ANO9: variants seen among roughly 807,000 people sequenced by gnomAD.
The protein encoded by ANO9 is anoctamin 9.
In ANO9, 80 loss-of-function variants were observed where a neutral mutation model predicts 100.5. The ratio of observed to expected loss-of-function variants is 0.80; its 90% CI spans 0.66 to 0.96. The LOEUF (loss-of-function observed/expected upper bound fraction) is 0.96. ANO9 is among the 40% of genes least tolerant of loss of function. ANO9 has a pLI of 0.00. For missense variants in ANO9, 1,064 were observed against 1,072.7 expected, an observed-to-expected ratio of 0.99 and a Z score of 0.11; for synonymous variants, 473 against 435.6, an observed-to-expected ratio of 1.09 and a Z score of -1.07.
chr11:433,504 GCTCTATCCCGCCTCAGAACCCTCCCCC>G (rs746468709), intron 3 of ANO9, 45 bp from the exon 4 acceptor site: 35 of 1,570,798 alleles, frequency 2.2e-5, no homozygotes, highest in Admixed American at 3.4e-5. Context: ...AACCCTCCCC[GCTCTATCCCGCCTCAGAACCCTCCCCC>G]CTCTATTCCA....
rs1377541428 is a variant in ANO9, at chr11:419,408, G to A, written c.1934+174C>T. The A allele has an allele frequency of 2.1e-6, 3 of 1,426,916 alleles. No homozygotes were observed. In the African/African-American group the frequency reaches 4.3e-5, roughly 21 times the overall value. The allele number at this position is 1,426,916 out of a possible 1,614,324, so 88.4% of individuals were successfully genotyped here. On this transcript the variant is annotated intron_variant, in intron 20 of 22. Transcript: ENST00000332826. ...CAGTTATCCCTGACCTCCAGCCCAG[G>A]GCCTGCCGTCAGTGGGCGCAGGGCA... is the stretch of plus-strand genomic sequence containing the variant.
At chr11:424,305 T>C (rs1848368415) in intron 15 of ANO9, among the ~76,000 whole-genome samples, 1 of 152,230 alleles carries the variant, frequency 6.6e-6, no homozygotes, top group African/African-American at 2.4e-5. Flanking sequence ...ACCAGGTAGA[T>C]TTTTCACGCT....
chr11:418,301 G>A lies in ANO9; in HGVS notation c.*70C>T, dbSNP rs546395889. On this transcript the variant is annotated 3_prime_UTR_variant, in exon 23 of 23. Transcript: ENST00000332826. ...CACAGCACCCCTCAACACGCACAGC[G>A]GTGGGCTTGTGGGAGGTGCTGGTGG... 1.3e-5 allele frequency: 18 copies of A among 1,412,824 alleles called. No homozygotes were observed. Among genetic ancestry groups the A allele is most frequent in the Middle Eastern group, 2.5e-4 (1 of 3,984 alleles). 87.5% of individuals were successfully genotyped at this position (1,412,824 alleles called of 1,614,324 possible).
At chr11:420,050 G>A (rs1000720022) in intron 19 of ANO9, 118 of 1,321,300 alleles carry the variant, frequency 8.9e-5, no homozygotes, top group Non-Finnish European at 1.1e-4. Flanking sequence ...ACCTGGGCCC[G>A]AGACTGGGGG....
intron 7 of ANO9, among the ~76,000 whole-genome samples, chr11:431,217 C>T (rs1226278243): frequency 1.4e-4 from 8 of 58,666 alleles, no homozygotes; most frequent in Admixed American, 2.1e-4. Context: ...TGTGGGGGCT[C>T]CCGTGGGTAT....
chr11:419,911 C>T, intron 19 of ANO9, 182 bp from the exon 20 acceptor site: 2 of 1,428,370 alleles, frequency 1.4e-6, no homozygotes, highest in Non-Finnish European at 1.8e-6. Context: ...CTCTGCGCTC[C>T]TGCACCCCTC....
rs374273059 is a variant in ANO9 at position 439,776 on chromosome 11, G to A, written c.6+2145C>T. Among the ~76,000 whole-genome samples, 4 of 151,636 alleles carry A rather than the reference G, an allele frequency of 2.6e-5. No homozygotes were observed. The East Asian group carries it at 7.7e-4, about 29-fold the overall frequency. ...CCTCTGCCCAGCCCACGCATCCTCT[G>A]AGCAAACCCTCCCCAGCTGGCTCTG... On this transcript the variant is annotated intron_variant, in intron 1 of 22. Transcript: ENST00000332826.
At chr11:425,300 G>A (rs569427985) in intron 15 of ANO9, among the ~76,000 whole-genome samples, 18 of 149,644 alleles carry the variant, frequency 1.2e-4, no homozygotes, top group African/African-American at 4.5e-4. Flanking sequence ...GGGAGGAAAA[G>A]GCTCCCAAGG....
chr11:419,315 C>A, intron 20 of ANO9: 1 of 1,406,364 alleles, frequency 7.1e-7, no homozygotes, highest in South Asian at 1.6e-5. Context: ...CGGGAGGGAG[C>A]CGTTCTGGCA....
chr11:420,262 A>C, intron 19 of ANO9: 1 of 1,427,268 alleles, frequency 7.0e-7, no homozygotes, highest in Non-Finnish European at 9.1e-7. Flanking sequence ...AGGAGCCTAC[A>C]AAGCGCTCGG....
At chr11:428,025 C>CTTCATTTTTTTTTTTTTTTTTT (rs1191722722) in intron 15 of ANO9, 63 bp downstream of exon 15, 1 of 1,338,902 alleles carries the variant, frequency 7.5e-7, no homozygotes, top group Non-Finnish European at 1.0e-6. Flanking sequence ...GACATTGCCA[C>CTTCATTTTTTTTTTTTTTTTTT]TTTAAAGGCA....
chr11:420,314 C>T, intron 19 of ANO9, 149 bp downstream of exon 19: 1 of 1,456,618 alleles, frequency 6.9e-7, no homozygotes, highest in Admixed American at 2.4e-5. Context: ...GCTCAACCCG[C>T]ATCCGAGGCC....
Position 418,908 on chromosome 11 carries a change from T to A in ANO9, c.2016A>T (p.Ser672=), listed in dbSNP as rs763260469. 1 of 1,613,646 alleles carries A rather than the reference T, an allele frequency of 6.2e-7. No individual in the cohort carries two copies. Among genetic ancestry groups the A allele is most frequent in the East Asian group, 2.2e-5 (1 of 44,884 alleles). The part of the protein sequence containing the change: ...DFQDPDGIEG[S]ENVTLCRYRD... Reference sequence around the variant, plus strand: ...CAAACCTGCACAGAGTCACGTTTTCTGAGCCCTCAATCCCATCAGGGTCCT... The same window carrying A: ...CAAACCTGCACAGAGTCACGTTTTCAGAGCCCTCAATCCCATCAGGGTCCT... The change falls in exon 21 of 23, where the codon TCA becomes TCT. Residue 672 remains serine, a synonymous_variant. Coordinates refer to ENST00000332826, the MANE Select transcript of ANO9 (RefSeq NM_001012302.3).
chr11:441,579 G>A (rs543485435), intron 1 of ANO9, among the ~76,000 whole-genome samples: 2 of 152,272 alleles, frequency 1.3e-5, no homozygotes, highest in East Asian at 1.9e-4. Flanking sequence ...CCCCCGCCTC[G>A]GTGGGCAGGC....
At position 418,973 on chromosome 11, in the gene ANO9, C is replaced by A; in HGVS notation, c.1951G>T (p.Val651Phe). 6.2e-7 allele frequency: 1 copy of A among 1,604,910 alleles called. No individual in the cohort carries two copies. Among genetic ancestry groups the A allele is most frequent in the Non-Finnish European group, 8.5e-7 (1 of 1,175,510 alleles). The change falls in exon 21 of 23, where the codon GTC (valine) becomes TTC (phenylalanine). Residue 651 changes from valine to phenylalanine, a missense_variant. By Grantham distance (50) the Val-to-Phe change is conservative (BLOSUM62 -1). Transcript: ENST00000332826. Reference sequence around the variant, plus strand: ...TGGAAGACGGACAGGCTGTGGTTGACGTAGCCCTTGAGGCAGCTGGGGAGA... The same window carrying A: ...TGGAAGACGGACAGGCTGTGGTTGAAGTAGCCCTTGAGGCAGCTGGGGAGA... ...NSTVDCLKGY[V>F]NHSLSVFHTK...
Position 418,737 on chromosome 11 carries a change from A to AGGCCAGGCGGAT in ANO9, c.2101_2112dup (p.Ile701_Ala704dup). Reference sequence around the variant, plus strand: ...TGGCTCACCTCAAAGAGGATGACGAAGGCCAGGCGGATGGCCAGGAGGAAC... The same window carrying AGGCCAGGCGGAT: ...TGGCTCACCTCAAAGAGGATGACGAAGGCCAGGCGGATGGCCAGGCGGATGGCCAGGAGGAAC... On this transcript the variant is annotated inframe_insertion, in exon 22 of 23. Coordinates refer to ENST00000332826, the MANE Select transcript of ANO9 (RefSeq NM_001012302.3). The AGGCCAGGCGGAT allele has an allele frequency of 6.2e-7, 1 of 1,613,008 alleles. No individual in the cohort carries two copies. Among genetic ancestry groups the AGGCCAGGCGGAT allele is most frequent in the South Asian group, 1.1e-5 (1 of 91,084 alleles).
At chr11:429,853 G>A (rs1848780171) in intron 9 of ANO9, 35 bp from the exon 10 acceptor site, 1 of 1,554,776 alleles carries the variant, frequency 6.4e-7, no homozygotes, top group Non-Finnish European at 8.7e-7. Flanking sequence ...AGAGGAGGTG[G>A]GTGAGCTGGG....
At position 428,739 on chromosome 11, in the gene ANO9, C is replaced by T. The variant is rs759125732; in HGVS notation, c.1003G>A (p.Val335Ile). ...CTGCGTACCATGAGCAGGGTCAGGA[C>T]GAGGATGACGGTGCTGCGTAGGTAG... is the stretch of plus-strand genomic sequence containing the variant. The part of the protein sequence containing the change: ...HSYLRSTVIL[V>I]LTLLMICLMI... Residue 335 changes from valine (V) to isoleucine (I), a missense_variant, in exon 12 of 23, where the codon GTC becomes ATC. By Grantham distance (29) the Val-to-Ile change is conservative. Transcript: ENST00000332826. 3.7e-5 allele frequency: 60 copies of T among 1,613,162 alleles called. No homozygotes were observed. The highest frequency in any genetic ancestry group is 1.6e-4 in the Middle Eastern group (1 of 6,082).
intron 4 of ANO9, 167 bp downstream of exon 4, chr11:433,147 G>C: frequency 2.3e-6 from 2 of 874,664 alleles, no homozygotes; most frequent in South Asian, 4.1e-5. Flanking sequence ...GGGAAGCTGA[G>C]GCTCACACAG....
Sources: gnomAD v4.1 joint callset for allele counts (sites outside exome capture counted in the v4.1 genomes callset) on GRCh38, gnomAD v4.1.1 for gene constraint, MANE v1.5 for transcripts, NCBI Gene and HGNC (gene_info 2026-07-23, HGNC 2026-07-21) for gene names.